XPNPEP3: variants seen among roughly 807,000 people sequenced by gnomAD.
XPNPEP3 encodes the protein X-prolyl aminopeptidase 3, also known as xaa-Pro aminopeptidase 3.
XPNPEP3 carries 41 observed loss-of-function variants against 60.0 expected under a neutral mutation model. That is an observed-to-expected ratio of 0.68 (90% CI 0.53 to 0.89). The LOEUF (loss-of-function observed/expected upper bound fraction) is 0.89. Ranked by LOEUF, XPNPEP3 falls within the 40% of genes least tolerant of loss-of-function variation. The pLI, the probability that XPNPEP3 is intolerant of heterozygous loss-of-function variation, is 0.00. For synonymous variants in XPNPEP3, 212 were observed against 223.2 expected, an observed-to-expected ratio of 0.95 and a Z score of 0.45; for missense variants, 598 against 638.9, an observed-to-expected ratio of 0.94 and a Z score of 0.69.
chr22:40,861,083 A>G (rs2057941847), intron 1 of XPNPEP3: 1 of 1,590,046 alleles, frequency 6.3e-7, no homozygotes, highest in Non-Finnish European at 8.5e-7. Context: ...TCCTTTTGGT[A>G]GACTTCTTTT....
intron 2 of XPNPEP3, among the ~76,000 whole-genome samples, chr22:40,881,561 C>T (rs186701955): frequency 3.3e-5 from 5 of 152,156 alleles, no homozygotes; most frequent in East Asian, 3.9e-4. Context: ...AGATTTCAGG[C>T]GGGGCCACAT....
intron 1 of XPNPEP3, chr22:40,860,658 T>A: frequency 4.4e-5 from 31 of 704,854 alleles, no homozygotes; most frequent in Non-Finnish European, 5.2e-5. Context: ...CCAAATTCCT[T>A]TTTTTTTTTT....
At chr22:40,861,025 AC>A in intron 1 of XPNPEP3, 1 of 1,528,530 alleles carries the variant, frequency 6.5e-7, no homozygotes, top group Non-Finnish European at 8.8e-7. Flanking sequence ...ACCAAAACAC[AC>A]ACAATTGTGT....
At chr22:40,924,695 A>G (rs1601523101) in intron 9 of XPNPEP3, among the ~76,000 whole-genome samples, 1 of 151,916 alleles carries the variant, frequency 6.6e-6, no homozygotes. Flanking sequence ...GCTAATTTTT[A>G]TATTTTTAGT....
intron 7 of XPNPEP3, among the ~76,000 whole-genome samples, chr22:40,918,338 T>C (rs544432667): frequency 6.6e-6 from 1 of 152,282 alleles, no homozygotes; most frequent in East Asian, 1.9e-4. Context: ...CACATCACTG[T>C]GCTCTAGCCT....
chr22:40,883,546 G>A (rs2058056893), intron 3 of XPNPEP3, among the ~76,000 whole-genome samples: 1 of 151,962 alleles, frequency 6.6e-6, no homozygotes, highest in Non-Finnish European at 1.5e-5. Context: ...TTTTTTTGTA[G>A]AGATGGAGTT....
chr22:40,881,928 A>G lies in XPNPEP3; in HGVS notation c.340A>G (p.Thr114Ala), dbSNP rs749271867. The change falls in exon 3 of 10, where the codon ACT (threonine) becomes GCT (alanine). Residue 114 changes from threonine (T) to alanine (A), a missense_variant. By Grantham distance (58) the Thr-to-Ala change is moderately conservative. Transcript: ENST00000357137. ...CTACATGAGCAACGATATTCCCTATACTTTCCACCAAGACAACAATTTCCT... is the reference window on the plus strand; with the variant it reads ...CTACATGAGCAACGATATTCCCTATGCTTTCCACCAAGACAACAATTTCCT... ...TYYMSNDIPY[T>A]FHQDNNFLYL... 3.3e-5 allele frequency: 53 copies of G among 1,613,962 alleles called. No homozygotes were observed. The highest frequency in any genetic ancestry group is 3.8e-5 in the Non-Finnish European group (45 of 1,180,012).
At chr22:40,911,972 A>G (rs2058178816) in intron 6 of XPNPEP3, among the ~76,000 whole-genome samples, 1 of 152,240 alleles carries the variant, frequency 6.6e-6, no homozygotes, top group East Asian at 1.9e-4. Flanking sequence ...ATAACACAAA[A>G]GACTGAATGC....
rs952458657 is a variant in XPNPEP3 at position 40,924,384 on chromosome 22, A to G, written c.1259A>G (p.His420Arg). 12 of 1,614,062 alleles carry G rather than the reference A, an allele frequency of 7.4e-6. No individual in the cohort carries two copies. The highest frequency in any genetic ancestry group is 9.3e-6 in the Non-Finnish European group (11 of 1,180,046). The change falls in exon 9 of 10, where the codon CAT becomes CGT. Residue 420 changes from histidine (H) to arginine (R), a missense_variant. By Grantham distance (29) the His-to-Arg change is conservative (BLOSUM62 0). Coordinates refer to ENST00000357137, the MANE Select transcript of XPNPEP3 (RefSeq NM_022098.4). ...CAGGCTGCTCGAAAATACTGTCCTC[A>G]TCATGTTGGCCACTACCTCGGGATG... ...AFKAARKYCP[H>R]HVGHYLGMDV...
chr22:40,918,016 A>AG (rs2058202849), intron 7 of XPNPEP3, among the ~76,000 whole-genome samples: 1 of 151,746 alleles, frequency 6.6e-6, no homozygotes. Context: ...GTCTAAAAAA[A>AG]AAAAAAAAAA....
chr22:40,861,486 G>A (rs770817905), intron 1 of XPNPEP3: 3 of 1,614,130 alleles, frequency 1.9e-6, no homozygotes, highest in South Asian at 1.1e-5. Context: ...GGAAGAGAAA[G>A]AAGTAAGGCC....
chr22:40,865,660 T>C (rs577906435), intron 1 of XPNPEP3, among the ~76,000 whole-genome samples: 1 of 149,822 alleles, frequency 6.7e-6, no homozygotes, highest in African/African-American at 2.5e-5. Flanking sequence ...CACTTGTTTT[T>C]TAACTTCCTA....
intron 2 of XPNPEP3, among the ~76,000 whole-genome samples, chr22:40,879,915 T>C (rs2058041052): frequency 6.6e-6 from 1 of 150,682 alleles, no homozygotes; most frequent in Non-Finnish European, 1.5e-5. Context: ...TAATCCCAGC[T>C]ATTTGGGTGG....
At chr22:40,891,706 G>A (rs1004988440) in intron 4 of XPNPEP3, among the ~76,000 whole-genome samples, 3 of 151,754 alleles carry the variant, frequency 2.0e-5, no homozygotes, top group African/African-American at 7.3e-5. Flanking sequence ...CAATGAGAAG[G>A]ATCCTGCAAC....
At chr22:40,866,909 G>C (rs2057981134) in intron 1 of XPNPEP3, among the ~76,000 whole-genome samples, 1 of 152,112 alleles carries the variant, frequency 6.6e-6, no homozygotes, top group Non-Finnish European at 1.5e-5. Flanking sequence ...CATTGAAAAA[G>C]GAATCAGTTA....
In XPNPEP3 at chr22:40,914,212, A is replaced by G. The variant is rs1157239779; in HGVS notation, c.970-27A>G. 3 of 1,592,984 alleles carry G rather than the reference A, an allele frequency of 1.9e-6. No homozygotes were observed. The African/African-American group carries it at 4.0e-5, about 21-fold the overall frequency. On this transcript the variant is annotated intron_variant, in intron 6 of 9. Coordinates refer to ENST00000357137, the MANE Select transcript of XPNPEP3 (RefSeq NM_022098.4). The stretch of plus-strand genomic sequence containing the variant: ...ACAACTTATAATCATGAGCTTATCC[A>G]CTTTAACCTGTCTTACTTTGTTCCA...
chr22:40,889,196 T>A (rs577707915), intron 4 of XPNPEP3, among the ~76,000 whole-genome samples: 1 of 146,934 alleles, frequency 6.8e-6, no homozygotes, highest in African/African-American at 2.7e-5. Context: ...ATGGCTGTTT[T>A]TAGGTTTTTG....
chr22:40,919,573 C>T (rs1386336561), intron 7 of XPNPEP3, among the ~76,000 whole-genome samples: 2 of 152,164 alleles, frequency 1.3e-5, no homozygotes, highest in African/African-American at 4.8e-5. Flanking sequence ...CTATGTTGCC[C>T]AGGCTGGTCT....
At chr22:40,876,958 A>G (rs1290642895) in intron 2 of XPNPEP3, among the ~76,000 whole-genome samples, 1 of 152,184 alleles carries the variant, frequency 6.6e-6, no homozygotes, top group Non-Finnish European at 1.5e-5. Context: ...AAGGTAACCT[A>G]CAGCTCAGTC....
Sources: allele counts gnomAD v4.1 joint callset (sites outside exome capture counted in the v4.1 genomes callset), GRCh38; gene constraint gnomAD v4.1.1; transcripts MANE v1.5; gene names NCBI Gene and HGNC (gene_info 2026-07-23, HGNC 2026-07-21).